Variants in MAPKAP1 observed in about 807,000 individuals in gnomAD.
MAPKAP1 encodes MAPK associated protein 1, also known as target of rapamycin complex 2 subunit MAPKAP1.
Under a neutral mutation model 65.7 loss-of-function variants are expected in MAPKAP1, and 20 were observed. The observed-to-expected ratio is 0.30, with a 90% CI of 0.21 to 0.44. The LOEUF (loss-of-function observed/expected upper bound fraction) is 0.44, where lower values mean the gene tolerates loss of function less well. Ranked by LOEUF, MAPKAP1 falls within the 20% of genes least tolerant of loss-of-function variation. The pLI, the probability that MAPKAP1 is intolerant of heterozygous loss-of-function variation, is 1.00. For synonymous variants in MAPKAP1, 222 were observed against 244.3 expected (o/e 0.91, Z 0.85); for missense variants, 423 against 648.0 (o/e 0.65, Z 3.77).
intron 10 of MAPKAP1, among the ~76,000 whole-genome samples, chr9:125,462,695 C>T (rs1487403270): frequency 1.3e-5 from 2 of 152,188 alleles, no homozygotes; most frequent in Non-Finnish European, 2.9e-5. Context: ...ATTCTTAATA[C>T]TGGTCTTTCA....
chr9:125,695,209 C>A (rs1835347949), intron 1 of MAPKAP1, among the ~76,000 whole-genome samples: 1 of 152,166 alleles, frequency 6.6e-6, no homozygotes, highest in Non-Finnish European at 1.5e-5. Context: ...TTGCCCCATA[C>A]CAGCATCTTA....
intron 4 of MAPKAP1, among the ~76,000 whole-genome samples, chr9:125,626,477 G>A (rs1833123417): frequency 6.6e-6 from 1 of 152,116 alleles, no homozygotes; most frequent in Admixed American, 6.5e-5. Context: ...GACCTACACT[G>A]TCCAACAGCC....
intron 4 of MAPKAP1, among the ~76,000 whole-genome samples, chr9:125,639,957 T>C (rs887741169): frequency 2.6e-5 from 4 of 152,142 alleles, no homozygotes; most frequent in African/African-American, 9.7e-5. Context: ...AGGCAGGCAG[T>C]GAAAAACTCA....
intron 10 of MAPKAP1, among the ~76,000 whole-genome samples, chr9:125,464,801 T>C (rs1450662026): frequency 6.6e-6 from 1 of 152,218 alleles, no homozygotes; most frequent in East Asian, 1.9e-4. Context: ...CTCAGTCTCT[T>C]TGCCAAGTCA....
intron 4 of MAPKAP1, among the ~76,000 whole-genome samples, chr9:125,622,326 G>C (rs117272150): frequency 0.023 from 3,576 of 152,322 alleles, 53 homozygotes; most frequent in Middle Eastern, 0.044. Flanking sequence ...TCAGGACACA[G>C]AAATGATGTT....
At chr9:125,650,104 TAC>T (rs1833851398) in intron 4 of MAPKAP1, among the ~76,000 whole-genome samples, 1 of 152,178 alleles carries the variant, frequency 6.6e-6, no homozygotes, top group Non-Finnish European at 1.5e-5. Flanking sequence ...TTTTGCCTAC[TAC>T]TAAATATCTC....
intron 4 of MAPKAP1, among the ~76,000 whole-genome samples, chr9:125,633,327 TGGGACAAACA>T (rs1471977136): frequency 3.3e-5 from 5 of 152,210 alleles, no homozygotes; most frequent in Admixed American, 6.5e-5. Flanking sequence ...AAGTATCACC[TGGGACAAACA>T]GGGACTAATA....
At chr9:125,506,998 A>G (rs1412565581) in intron 7 of MAPKAP1, among the ~76,000 whole-genome samples, 2 of 152,260 alleles carry the variant, frequency 1.3e-5, no homozygotes, top group Non-Finnish European at 2.9e-5. Context: ...ATATGTGGAA[A>G]AAGTTTTTAA....
chr9:125,567,035 T>G (rs1221549656), intron 5 of MAPKAP1, among the ~76,000 whole-genome samples: 1 of 152,184 alleles, frequency 6.6e-6, no homozygotes, highest in Non-Finnish European at 1.5e-5. Flanking sequence ...AGCACCACAG[T>G]GCATCACGGT....
At chr9:125,616,114 T>C (rs1329556793) in intron 4 of MAPKAP1, among the ~76,000 whole-genome samples, 1 of 151,758 alleles carries the variant, frequency 6.6e-6, no homozygotes, top group Non-Finnish European at 1.5e-5. Flanking sequence ...CAAGCGAGCA[T>C]GACAAACCAA....
intron 8 of MAPKAP1, among the ~76,000 whole-genome samples, chr9:125,498,335 C>T (rs560817175): frequency 1.3e-5 from 2 of 152,264 alleles, no homozygotes; most frequent in Non-Finnish European, 2.9e-5. Context: ...ATCTCAGGGT[C>T]GACTCTGGAA....
At chr9:125,672,695 T>G (rs990941082) in intron 1 of MAPKAP1, 52 bp from the exon 2 acceptor site, 2 of 1,159,988 alleles carry the variant, frequency 1.7e-6, no homozygotes, top group African/African-American at 1.5e-5. Context: ...AGAAAATGAC[T>G]GAATCATTTT....
intron 1 of MAPKAP1, among the ~76,000 whole-genome samples, chr9:125,693,555 A>G: frequency 6.6e-6 from 1 of 151,136 alleles, no homozygotes; most frequent in South Asian, 2.1e-4. Context: ...ATACATATAC[A>G]CACACATATA....
chr9:125,486,871 G>A (rs1854513633), intron 8 of MAPKAP1, among the ~76,000 whole-genome samples: 1 of 152,098 alleles, frequency 6.6e-6, no homozygotes, highest in Admixed American at 6.5e-5. Context: ...CTCCAGGGAA[G>A]CCTTCCCTGG....
chr9:125,630,716 T>C (rs1176838878), intron 4 of MAPKAP1, among the ~76,000 whole-genome samples: 2 of 152,178 alleles, frequency 1.3e-5, no homozygotes, highest in African/African-American at 4.8e-5. Context: ...TGTTGAAATC[T>C]GATCCCAAAT....
chr9:125,693,524 T>C (rs1278348314), intron 1 of MAPKAP1, among the ~76,000 whole-genome samples: 3 of 114,004 alleles, frequency 2.6e-5, no homozygotes, highest in African/African-American at 8.8e-5. Flanking sequence ...CACACATATA[T>C]ACACATATAC....
chr9:125,698,277 T>TAATATATATA (rs1431865581), intron 1 of MAPKAP1, among the ~76,000 whole-genome samples: 76 of 39,954 alleles, frequency 1.9e-3, no homozygotes, highest in South Asian at 4.1e-3. Context: ...ATATAATACA[T>TAATATATATA]AATATATATA....
In MAPKAP1 at chr9:125,496,888, A is replaced by G. The variant is rs191491501; in HGVS notation, c.1066+9422T>C. ...AGGGGCTCAGGAGGCTCACTCTATC[A>G]GGGGGAAAGAGCCAGGCCTGGCCAC... is the stretch of plus-strand genomic sequence containing the variant. On this transcript the variant is annotated intron_variant, in intron 8 of 11. Transcript: ENST00000265960. Among the ~76,000 whole-genome samples, 940 of 152,198 alleles carry G rather than the reference A, an allele frequency of 6.2e-3. 16 individuals are homozygous for G. Among genetic ancestry groups the G allele is most frequent in the African/African-American group, 0.022 (905 of 41,544 alleles).
chr9:125,597,109 C>G (rs1366709652), intron 4 of MAPKAP1, among the ~76,000 whole-genome samples: 3 of 151,188 alleles, frequency 2.0e-5, no homozygotes, highest in African/African-American at 7.3e-5. Context: ...AAAACAAATA[C>G]AAAAAATTAG....
Sources: allele counts gnomAD v4.1 joint callset (sites outside exome capture counted in the v4.1 genomes callset), GRCh38; gene constraint gnomAD v4.1.1; transcripts MANE v1.5; gene names NCBI Gene and HGNC (gene_info 2026-07-23, HGNC 2026-07-21).